The following ARRDC3 variants were observed in gnomAD, a reference collection of about 807,000 sequenced individuals.
The protein encoded by ARRDC3 is arrestin domain-containing protein 3.
ARRDC3 carries 10 observed loss-of-function variants against 47.2 expected under a neutral mutation model. The observed-to-expected ratio is 0.21, with a 90% CI of 0.13 to 0.36. The LOEUF is 0.36. Ranked by LOEUF, ARRDC3 falls within the 10% of genes least tolerant of loss-of-function variation. The probability of loss-of-function intolerance (pLI) is 1.00; values close to 1 mark genes in which losing one functional copy is unlikely to be tolerated. For synonymous variants in ARRDC3, 156 were observed against 178.3 expected (o/e 0.87, Z 1.00); for missense variants, 381 against 503.6 (o/e 0.76, Z 2.33).
chr5:91,373,655 C>A (rs748017723), intron 7 of ARRDC3, 29 bp downstream of exon 7: 5 of 1,565,898 alleles, frequency 3.2e-6, no homozygotes, highest in Non-Finnish European at 4.4e-6. Flanking sequence ...ATAGCCAGTT[C>A]ATTTCATACT....
At position 91,375,629 on chromosome 5, in the gene ARRDC3, T is replaced by C. The variant is rs142840228; in HGVS notation, c.511-16A>G. 522 of 1,586,532 alleles carry C rather than the reference T, an allele frequency of 3.3e-4. 2 individuals carry two copies. The African/African-American group carries it at 6.1e-3, about 18-fold the overall frequency. ...CTTGGGGTGACTGTAAGAAAAAAAT[T>C]AAGAGAAAAAGGTCAGTGTATGGAT... On this transcript the variant is annotated splice_polypyrimidine_tract_variant and intron_variant, in intron 3 of 7. Transcript: ENST00000265138.
chr5:91,378,916 T>C (rs776333337), intron 1 of ARRDC3, 141 bp from the exon 2 acceptor site: 3 of 490,484 alleles, frequency 6.1e-6, no homozygotes, highest in Non-Finnish European at 1.1e-5. Context: ...TGAGTTCTAA[T>C]TCTAACTTCA....
chr5:91,378,041 T>C (rs773528769), intron 2 of ARRDC3, among the ~76,000 whole-genome samples: 25 of 152,058 alleles, frequency 1.6e-4, no homozygotes, highest in Admixed American at 5.2e-4. Context: ...TATCATCTCT[T>C]CCAACAATCT....
rs577387541 is a variant in ARRDC3 at position 91,370,641 on chromosome 5, G to T, written c.*759C>A. 1 of 152,666 alleles carries T rather than the reference G, an allele frequency of 6.6e-6. No homozygotes were observed. The highest frequency in any genetic ancestry group is 2.1e-4 in the South Asian group (1 of 4,824). The allele number at this position is 152,666 out of a possible 1,614,324, so 9.5% of individuals were successfully genotyped here. On this transcript the variant is annotated 3_prime_UTR_variant, in exon 8 of 8. Transcript: ENST00000265138. ...GTAGAAAGGCAACAAATTCTTAAAA[G>T]AAACCAAGAAGGTATACAATCTTGA...
At chr5:91,380,842 A>G (rs1799438660) in intron 1 of ARRDC3, 1 of 152,232 alleles carries the variant, frequency 6.6e-6, no homozygotes, top group Non-Finnish European at 1.5e-5. Context: ...TTTCCTTTCG[A>G]TGGCCCTTAG....
In ARRDC3 at chr5:91,368,817, AC is replaced by A. The variant is rs1430092972; in HGVS notation, c.*2582del. ...ATTTCCCACATATTGTTTTCTTAAA[AC>A]AGAGCCTACAAGGACATATTCAGCA... On this transcript the variant is annotated 3_prime_UTR_variant, in exon 8 of 8. Coordinates refer to ENST00000265138, the MANE Select transcript of ARRDC3 (RefSeq NM_020801.4). 2.6e-5 allele frequency: 4 copies of A among 152,664 alleles called. No homozygotes were observed. The highest frequency in any genetic ancestry group is 9.6e-5 in the African/African-American group (4 of 41,468). 9.5% of individuals were successfully genotyped at this position (152,664 alleles called of 1,614,324 possible). A position where few individuals can be genotyped will look rare whatever the true frequency, so the allele number is the denominator to read the frequency against.
chr5:91,375,824 A>G (rs1300739875), intron 3 of ARRDC3, among the ~76,000 whole-genome samples: 1 of 152,014 alleles, frequency 6.6e-6, no homozygotes, highest in African/African-American at 2.4e-5. Flanking sequence ...ATTTCCATTC[A>G]ATTAGAAAAA....
Position 91,375,055 on chromosome 5 carries a change from A to G in ARRDC3, c.737T>C (p.Leu246Pro), listed in dbSNP as rs373902781. ...GGATTCCCCACGCAAGTTAGCCACA[A>G]GCTGTTTTACTTCCTTCATTTTCCC... The part of the protein sequence containing the change: ...AKGKMKEVKQ[L>P]VANLRGESLS... Residue 246 changes from leucine to proline, a missense_variant, in exon 5 of 8, where the codon CTT becomes CCT. Coordinates refer to ENST00000265138, the MANE Select transcript of ARRDC3 (RefSeq NM_020801.4). The G allele has an allele frequency of 3.1e-6, 5 of 1,614,092 alleles. No homozygotes were observed. The African/African-American group carries it at 6.7e-5, about 22-fold the overall frequency.
At chr5:91,373,952 T>C (rs1799240810) in intron 6 of ARRDC3, 114 bp from the exon 7 acceptor site, 1 of 1,489,210 alleles carries the variant, frequency 6.7e-7, no homozygotes, top group Admixed American at 1.9e-5. Context: ...TGTTTGGTGA[T>C]CAAAACTATG....
At chr5:91,382,754 T>C (rs1258494724) in intron 1 of ARRDC3, 59 bp downstream of exon 1, 5 of 1,519,182 alleles carry the variant, frequency 3.3e-6, no homozygotes, top group Middle Eastern at 1.8e-4. Flanking sequence ...TTCAGAAAAC[T>C]GAAAAGGTAC....
In ARRDC3 at chr5:91,373,781, G is replaced by A; in HGVS notation, c.1091C>T (p.Pro364Leu). 6.2e-7 allele frequency: 1 copy of A among 1,614,088 alleles called. No homozygotes were observed. Among genetic ancestry groups the A allele is most frequent in the Non-Finnish European group, 8.5e-7 (1 of 1,179,966 alleles). Residue 364 changes from proline (P) to leucine (L), a missense_variant, in exon 7 of 8, where the codon CCA (proline) becomes CTA (leucine). By Grantham distance (98) the Pro-to-Leu change is moderately conservative. Coordinates refer to ENST00000265138, the MANE Select transcript of ARRDC3 (RefSeq NM_020801.4). Reference protein sequence around the residue: ...TEEQRRNNLAPVSACDDFERA... With the variant: ...TEEQRRNNLALVSACDDFERA... ...CTCAAAGTCATCACAAGCACTCACTGGTGCAAGATTGTTCCGCCTTTGTTC... is the reference window on the plus strand; with the variant it reads ...CTCAAAGTCATCACAAGCACTCACTAGTGCAAGATTGTTCCGCCTTTGTTC...
intron 7 of ARRDC3, 97 bp downstream of exon 7, chr5:91,373,587 G>C: frequency 8.5e-7 from 1 of 1,172,360 alleles, no homozygotes; most frequent in East Asian, 2.4e-5. Flanking sequence ...CTGTTAACAT[G>C]ATAATCAAGA....
Position 91,383,310 on chromosome 5 carries a change from A to G in ARRDC3, c.-218T>C. ...TCCCGCTCGTCTCAGTGGTCTCCTT[A>G]CAAAGACGGGCGGCTAAAAGCTGCC... On this transcript the variant is annotated 5_prime_UTR_variant, in exon 1 of 8. Coordinates refer to ENST00000265138, the MANE Select transcript of ARRDC3 (RefSeq NM_020801.4). 6.4e-6 allele frequency: 3 copies of G among 468,842 alleles called. No individual in the cohort carries two copies. The highest frequency in any genetic ancestry group is 7.4e-6 in the Non-Finnish European group (2 of 270,064). 29.0% of individuals were successfully genotyped at this position (468,842 alleles called of 1,614,324 possible).
At position 91,369,028 on chromosome 5, in the gene ARRDC3, G is replaced by A. The variant is rs1223888866; in HGVS notation, c.*2372C>T. ...AACCTCACATCTTATGTCAGGAATTGACCAATATTTTTAAAAAAGTAATGC... is the reference window on the plus strand; with the variant it reads ...AACCTCACATCTTATGTCAGGAATTAACCAATATTTTTAAAAAAGTAATGC... On this transcript the variant is annotated 3_prime_UTR_variant, in exon 8 of 8. Coordinates refer to ENST00000265138, the MANE Select transcript of ARRDC3 (RefSeq NM_020801.4). 3 of 152,460 alleles carry A rather than the reference G, an allele frequency of 2.0e-5. No individual in the cohort carries two copies. The highest frequency in any genetic ancestry group is 2.1e-4 in the South Asian group (1 of 4,824). The allele number at this position is 152,460 out of a possible 1,614,324, so 9.4% of individuals were successfully genotyped here.
In ARRDC3 at chr5:91,370,277, C is replaced by T. The variant is rs1014348584; in HGVS notation, c.*1123G>A. 7.9e-5 allele frequency: 12 copies of T among 152,568 alleles called. No homozygotes were observed. The South Asian group carries it at 1.5e-3, about 18-fold the overall frequency. 9.5% of individuals were successfully genotyped at this position (152,568 alleles called of 1,614,324 possible). A position where few individuals can be genotyped will look rare whatever the true frequency, so the allele number is the denominator to read the frequency against. The stretch of plus-strand genomic sequence containing the variant: ...CCTTTCCCCAGTGAATGGAAAACTT[C>T]CATACTTTCAAAATAATAATAAAAA... On this transcript the variant is annotated 3_prime_UTR_variant, in exon 8 of 8. Coordinates refer to ENST00000265138, the MANE Select transcript of ARRDC3 (RefSeq NM_020801.4).
chr5:91,375,417 CTATAT>C, intron 4 of ARRDC3, 89 bp downstream of exon 4: 1 of 924,866 alleles, frequency 1.1e-6, no homozygotes, highest in South Asian at 1.7e-5. Flanking sequence ...CAAAAGAATA[CTATAT>C]TATGTTTATA....
At chr5:91,378,592 T>C (rs993208348) in intron 2 of ARRDC3, 102 bp downstream of exon 2, 6 of 684,732 alleles carry the variant, frequency 8.8e-6, no homozygotes, top group Non-Finnish European at 1.4e-5. Flanking sequence ...ATGAAAAGGG[T>C]TTTTTTTTCA....
intron 2 of ARRDC3, among the ~76,000 whole-genome samples, chr5:91,377,217 G>A (rs532393287): frequency 6.6e-5 from 10 of 152,242 alleles, no homozygotes; most frequent in African/African-American, 2.2e-4. Flanking sequence ...TCTTTTAATA[G>A]CAACTAACTA....
At position 91,383,304 on chromosome 5, in the gene ARRDC3, C is replaced by T. The variant is rs1250183538; in HGVS notation, c.-212G>A. The T allele has an allele frequency of 2.2e-4, 110 of 492,798 alleles. No individual in the cohort carries two copies. Among genetic ancestry groups the T allele is most frequent in the South Asian group, 3.3e-5 (1 of 30,210 alleles). The allele number at this position is 492,798 out of a possible 1,614,324, so 30.5% of individuals were successfully genotyped here. On this transcript the variant is annotated 5_prime_UTR_variant, in exon 1 of 8. Transcript: ENST00000265138. ...CCGCGCTCCCGCTCGTCTCAGTGGT[C>T]TCCTTACAAAGACGGGCGGCTAAAA...
Sources: gnomAD v4.1 joint callset for allele counts (sites outside exome capture counted in the v4.1 genomes callset) on GRCh38, gnomAD v4.1.1 for gene constraint, MANE v1.5 for transcripts, NCBI Gene and HGNC (gene_info 2026-07-23, HGNC 2026-07-21) for gene names.